BRD4: variants seen among roughly 807,000 people sequenced by gnomAD.
BRD4 encodes the protein bromodomain containing 4.
In BRD4, 16 loss-of-function variants were observed where a neutral mutation model predicts 142.1. The ratio of observed to expected loss-of-function variants is 0.11; its 90% CI spans 0.08 to 0.17. The LOEUF (loss-of-function observed/expected upper bound fraction) is 0.17, where lower values mean the gene tolerates loss of function less well. Among genes scored for constraint, BRD4 ranks in the 10% least tolerant of loss-of-function variants. BRD4 has a pLI of 1.00. For missense variants in BRD4, 1,424 were observed against 1,810.9 expected, an observed-to-expected ratio of 0.79 and a Z score of 3.88; for synonymous variants, 833 against 707.5, an observed-to-expected ratio of 1.18 and a Z score of -2.82.
chr19:15,290,766 T>A (rs1459390501), intron 1 of BRD4, among the ~76,000 whole-genome samples: 1 of 152,118 alleles, frequency 6.6e-6, no homozygotes, highest in Non-Finnish European at 1.5e-5. Flanking sequence ...CTCATACCCA[T>A]ATGTACGAAA....
At chr19:15,309,736 G>A (rs2047950048) in intron 1 of BRD4, among the ~76,000 whole-genome samples, 1 of 152,130 alleles carries the variant, frequency 6.6e-6, no homozygotes, top group African/African-American at 2.4e-5. Context: ...GGTAGGGGAG[G>A]GGAATCAAAG....
chr19:15,267,189 C>T (rs148752064), intron 4 of BRD4, among the ~76,000 whole-genome samples: 1 of 152,314 alleles, frequency 6.6e-6, no homozygotes, highest in Non-Finnish European at 1.5e-5. Flanking sequence ...CCATCACCTA[C>T]CCTCAGAAAA....
At chr19:15,313,559 C>G (rs1385587617) in intron 1 of BRD4, among the ~76,000 whole-genome samples, 1 of 151,576 alleles carries the variant, frequency 6.6e-6, no homozygotes, top group Non-Finnish European at 1.5e-5. Context: ...GCCTGTAATC[C>G]CAGCTGCTCA....
intron 1 of BRD4, among the ~76,000 whole-genome samples, chr19:15,328,944 TG>T (rs1367863463): frequency 1.3e-5 from 2 of 152,232 alleles, no homozygotes; most frequent in African/African-American, 4.8e-5. Flanking sequence ...CGGCTAATTT[TG>T]TATTTTTAAT....
At chr19:15,301,620 G>A (rs2047868634) in intron 1 of BRD4, among the ~76,000 whole-genome samples, 1 of 151,174 alleles carries the variant, frequency 6.6e-6, no homozygotes, top group African/African-American at 2.4e-5. Context: ...CCAGCACTTT[G>A]GGAAGCCGAG....
intron 7 of BRD4, among the ~76,000 whole-genome samples, chr19:15,262,542 A>AG (rs1491363891): frequency 7.1e-6 from 1 of 139,936 alleles, no homozygotes; most frequent in African/African-American, 2.9e-5. Flanking sequence ...AAAAAAAAAA[A>AG]GAAAAAAAAA....
intron 1 of BRD4, among the ~76,000 whole-genome samples, chr19:15,298,921 G>T (rs900728661): frequency 6.6e-6 from 1 of 152,102 alleles, no homozygotes; most frequent in Admixed American, 6.6e-5. Flanking sequence ...CTGGCATTTG[G>T]GTAACTGCTG....
At chr19:15,328,504 TTAC>T (rs2048128903) in intron 1 of BRD4, among the ~76,000 whole-genome samples, 2 of 152,202 alleles carry the variant, frequency 1.3e-5, no homozygotes, top group Admixed American at 6.5e-5. Flanking sequence ...ACTAATAAGT[TTAC>T]TACAACACCG....
intron 1 of BRD4, among the ~76,000 whole-genome samples, chr19:15,296,594 C>T (rs1045461437): frequency 6.6e-6 from 1 of 152,092 alleles, no homozygotes; most frequent in Non-Finnish European, 1.5e-5. Flanking sequence ...AGAGCAGTGG[C>T]GCGGAGAGTA....
intron 11 of BRD4, among the ~76,000 whole-genome samples, chr19:15,250,133 G>A (rs1012875043): frequency 2.6e-5 from 4 of 152,094 alleles, no homozygotes; most frequent in Admixed American, 6.5e-5. Flanking sequence ...GGAAAAACCC[G>A]CCCACTGGCG....
At chr19:15,287,177 CATT>C (rs2047746124) in intron 1 of BRD4, among the ~76,000 whole-genome samples, 1 of 151,828 alleles carries the variant, frequency 6.6e-6, no homozygotes, top group Non-Finnish European at 1.5e-5. Context: ...AGGATACAAT[CATT>C]GTTGAGTTTC....
At chr19:15,330,158 C>T (rs1380814845) in intron 1 of BRD4, among the ~76,000 whole-genome samples, 2 of 152,316 alleles carry the variant, frequency 1.3e-5, no homozygotes, top group South Asian at 2.1e-4. Flanking sequence ...GCAAGATACT[C>T]GGAGGTGGAC....
intron 1 of BRD4, among the ~76,000 whole-genome samples, chr19:15,291,447 A>G (rs929616585): frequency 1.3e-5 from 2 of 152,212 alleles, no homozygotes; most frequent in Non-Finnish European, 2.9e-5. Context: ...GGTAAACCCT[A>G]TGGAAAAAAG....
chr19:15,292,777 CAAAAAAAAAAAAAAAAAAAAAAAAAAA>C (rs57341445), intron 1 of BRD4, among the ~76,000 whole-genome samples: 4 of 57,256 alleles, frequency 7.0e-5, no homozygotes, highest in South Asian at 8.5e-4. Context: ...GACTCCGTCT[CAAAAAAAAAAAAAAAAAAAAAAAAAAA>C]AAAAAAAAAA....
intron 1 of BRD4, among the ~76,000 whole-genome samples, chr19:15,293,936 T>C (rs1276391067): frequency 1.3e-5 from 2 of 152,270 alleles, no homozygotes; most frequent in African/African-American, 2.4e-5. Flanking sequence ...CTTAGCATAA[T>C]GTCTTAAGAT....
intron 11 of BRD4, among the ~76,000 whole-genome samples, chr19:15,251,683 G>T (rs2047348965): frequency 6.6e-6 from 1 of 152,218 alleles, no homozygotes; most frequent in Non-Finnish European, 1.5e-5. Context: ...GCAGAAGGCT[G>T]TATTTACTGG....
At position 15,289,355 on chromosome 19, in the gene BRD4, C is replaced by T. The variant is rs537555136; in HGVS notation, c.-34-16222G>A. Among the ~76,000 whole-genome samples, 3 of 152,268 alleles carry T rather than the reference C, an allele frequency of 2.0e-5. No individual in the cohort carries two copies. The South Asian group carries it at 6.2e-4, about 32-fold the overall frequency. Reference sequence around the variant, plus strand: ...TCACCTGAGGTCAGGAGTTCGGGACCAACCTGACCAACATGGAGAAACCCC... The same window carrying T: ...TCACCTGAGGTCAGGAGTTCGGGACTAACCTGACCAACATGGAGAAACCCC... On this transcript the variant is annotated intron_variant, in intron 1 of 19. Coordinates refer to ENST00000679869, the MANE Select transcript of BRD4 (RefSeq NM_001379291.1).
chr19:15,238,736 G>C lies in BRD4; in HGVS notation c.4020+7C>G, dbSNP rs1000363868. 2 of 1,528,016 alleles carry C rather than the reference G, an allele frequency of 1.3e-6. No homozygotes were observed. The highest frequency in any genetic ancestry group is 1.8e-6 in the Non-Finnish European group (2 of 1,136,156). 94.7% of individuals were successfully genotyped at this position (1,528,016 alleles called of 1,614,324 possible). On this transcript the variant is annotated splice_region_variant and intron_variant, in intron 19 of 19. Transcript: ENST00000679869. The surrounding 1 kb of genome is among the most constrained non-coding windows in gnomAD (Gnocchi z 7.2). ...GACCAGGGTCCCCACCAGGCCTCCA[G>C]ACTCACGGCTTCCCGGCGTCTTCGC...
intron 3 of BRD4, 95 bp downstream of exon 3, chr19:15,268,810 C>G (rs2047558734): frequency 1.2e-5 from 17 of 1,443,882 alleles, no homozygotes; most frequent in Non-Finnish European, 1.6e-5. Context: ...CCAGCCACAC[C>G]CAACACCCCT....
Sources: allele counts gnomAD v4.1 joint callset (sites outside exome capture counted in the v4.1 genomes callset), GRCh38; gene constraint gnomAD v4.1.1; non-coding constraint Gnocchi (gnomAD v3.1); transcripts MANE v1.5; gene names NCBI Gene and HGNC (gene_info 2026-07-23, HGNC 2026-07-21).